Variants in TCF20 observed in about 807,000 individuals in gnomAD.
TCF20 encodes transcription factor 20.
Under a neutral mutation model 148.6 loss-of-function variants are expected in TCF20, and 3 were observed. The observed-to-expected ratio is 0.02, with a 90% confidence interval of 0.01 to 0.05. The LOEUF (loss-of-function observed/expected upper bound fraction) is 0.05. TCF20 is among the 10% of genes least tolerant of loss of function. The probability of loss-of-function intolerance (pLI) is 1.00; values close to 1 mark genes in which losing one functional copy is unlikely to be tolerated. For missense variants in TCF20, 2,350 were observed against 2,429.3 expected (o/e 0.97, Z 0.69); for synonymous variants, 1,049 against 909.5 (o/e 1.15, Z -2.76).
At position 42,270,615 on chromosome 22, in the gene TCF20, G is replaced by A. The variant is rs1475573887; in HGVS notation, c.-313C>T. ...AGGGGCCGAAAGCGGCTGGGCTCGG[G>A]GTTTTTTCTCTCCATTCTCCCAACA... On this transcript the variant is annotated 5_prime_UTR_variant, in exon 1 of 6. Transcript: ENST00000677622. Among the ~76,000 whole-genome samples, 2 of 145,270 alleles carry A rather than the reference G, an allele frequency of 1.4e-5. No homozygotes were observed. Among genetic ancestry groups the A allele is most frequent in the Non-Finnish European group, 3.1e-5 (2 of 65,430 alleles).
chr22:42,202,742 G>C (rs995958321), intron 2 of TCF20, among the ~76,000 whole-genome samples: 2 of 152,220 alleles, frequency 1.3e-5, no homozygotes, highest in Non-Finnish European at 1.5e-5. Flanking sequence ...GAAGCAAGCC[G>C]TATCTTTTGG....
At chr22:42,328,812 G>A (rs1386493735) in intron 1 of TCF20, among the ~76,000 whole-genome samples, 2 of 152,212 alleles carry the variant, frequency 1.3e-5, no homozygotes, top group African/African-American at 2.4e-5. Flanking sequence ...CAGACGGGGG[G>A]GAAAGCCCCC....
intron 1 of TCF20, among the ~76,000 whole-genome samples, chr22:42,250,894 T>C (rs1460083707): frequency 6.6e-6 from 1 of 152,120 alleles, no homozygotes; most frequent in Admixed American, 6.5e-5. Context: ...AACAGGCACA[T>C]CACATGATGA....
chr22:42,234,542 C>T (rs766020329), intron 1 of TCF20, among the ~76,000 whole-genome samples: 2 of 152,200 alleles, frequency 1.3e-5, no homozygotes, highest in African/African-American at 2.4e-5. Context: ...TACACTTCCA[C>T]GGTTGCCTCA....
intron 1 of TCF20, among the ~76,000 whole-genome samples, chr22:42,323,941 GTGATGGAGGTTA>G (rs1569209738): frequency 1.8e-4 from 23 of 124,436 alleles, no homozygotes; most frequent in African/African-American, 6.5e-4. Flanking sequence ...GGTGGTGGTG[GTGATGGAGGTTA>G]TGGTGGTGGT....
intron 5 of TCF20, 116 bp downstream of exon 5, chr22:42,168,493 T>C (rs1486407722): frequency 7.8e-6 from 11 of 1,404,116 alleles, no homozygotes; most frequent in Admixed American, 6.9e-5. Context: ...CCACCTGGCG[T>C]TGTCATCCAC....
At chr22:42,162,229 G>C (rs771429412) in intron 5 of TCF20, among the ~76,000 whole-genome samples, 5 of 151,860 alleles carry the variant, frequency 3.3e-5, no homozygotes, top group African/African-American at 1.2e-4. Context: ...TGCCCACCTC[G>C]GCCTCCCAAA....
In TCF20 at chr22:42,214,418, A is replaced by T; in HGVS notation, c.888T>A (p.Ser296=). 6.2e-7 allele frequency: 1 copy of T among 1,614,096 alleles called. No individual in the cohort carries two copies. Among genetic ancestry groups the T allele is most frequent in the Non-Finnish European group, 8.5e-7 (1 of 1,180,020 alleles). Residue 296 remains serine (S), a synonymous_variant, in exon 2 of 6, where the codon TCT becomes TCA. Coordinates refer to ENST00000677622, the MANE Select transcript of TCF20 (RefSeq NM_001378418.1). ...TCTTTGCCTGTTCAAAATTCTTCAT[A>T]GATTGAGGCTGATAGCTGTAATTGG... is the stretch of plus-strand genomic sequence containing the variant. ...TQSNYSYQPQ[S]MKNFEQAKIP... is the part of the protein sequence containing the mutation.
At chr22:42,312,845 C>G (rs1927560396) in intron 1 of TCF20, among the ~76,000 whole-genome samples, 1 of 152,148 alleles carries the variant, frequency 6.6e-6, no homozygotes, top group Admixed American at 6.5e-5. Context: ...AGCATGGGGC[C>G]CCAATCTAGT....
At position 42,161,269 on chromosome 22, in the gene TCF20, G is replaced by A. The variant is rs1935438233; in HGVS notation, c.*134C>T. Reference sequence around the variant, plus strand: ...GCATGGGCAGGCACGCGGGCGGGGCGGGGCGGGGCAGGGCAGGGTGTGGCT... The same window carrying A: ...GCATGGGCAGGCACGCGGGCGGGGCAGGGCGGGGCAGGGCAGGGTGTGGCT... On this transcript the variant is annotated 3_prime_UTR_variant, in exon 6 of 6. Transcript: ENST00000677622. 20 of 1,598,808 alleles carry A rather than the reference G, an allele frequency of 1.3e-5. No individual in the cohort carries two copies. Among genetic ancestry groups the A allele is most frequent in the East Asian group, 2.2e-5 (1 of 44,776 alleles).
chr22:42,213,266 A>T lies in TCF20; in HGVS notation c.2040T>A (p.Asn680Lys). Residue 680 changes from asparagine to lysine, a missense_variant, in exon 2 of 6, where the codon AAT (asparagine) becomes AAA (lysine). Transcript: ENST00000677622. The stretch of plus-strand genomic sequence containing the variant: ...CCGCTGCAGAGTGGCCACTCTGGCC[A>T]TTTCCTTCTCCATTATGGTTGGAGT... ...DNNSNHNGEG[N>K]GQSGHSAAGP... 1 of 1,614,024 alleles carries T rather than the reference A, an allele frequency of 6.2e-7. No homozygotes were observed. The highest frequency in any genetic ancestry group is 8.5e-7 in the Non-Finnish European group (1 of 1,180,006).
chr22:42,239,308 C>T (rs1409943162), intron 1 of TCF20, among the ~76,000 whole-genome samples: 1 of 151,500 alleles, frequency 6.6e-6, no homozygotes, highest in African/African-American at 2.4e-5. Flanking sequence ...GAAACCCCGT[C>T]TCTACTAAAA....
intron 1 of TCF20, among the ~76,000 whole-genome samples, chr22:42,283,100 C>A (rs533115875): frequency 7.9e-5 from 12 of 152,352 alleles, no homozygotes; most frequent in African/African-American, 2.6e-4. Context: ...CACGCTAACA[C>A]AAAATGACGG....
At chr22:42,339,390 A>G (rs1928124214) in intron 1 of TCF20, among the ~76,000 whole-genome samples, 1 of 152,118 alleles carries the variant, frequency 6.6e-6, no homozygotes, top group African/African-American at 2.4e-5. Flanking sequence ...TTTTCTTCAA[A>G]CATTCTGCAG....
At chr22:42,244,045 A>G (rs896111904) in intron 1 of TCF20, among the ~76,000 whole-genome samples, 1 of 152,186 alleles carries the variant, frequency 6.6e-6, no homozygotes, top group Admixed American at 6.5e-5. Context: ...TGTCTATAAA[A>G]ATACAAAAAT....
At chr22:42,324,013 ATGGTGGTGGTG>A (rs1927807694) in intron 1 of TCF20, among the ~76,000 whole-genome samples, 1 of 1,316 alleles carries the variant, frequency 7.6e-4, no homozygotes, top group Non-Finnish European at 2.6e-3. Flanking sequence ...GGCGGAGGTT[ATGGTGGTGGTG>A]GTGGTGATGG....
At chr22:42,191,519 C>T (rs1270466106) in intron 2 of TCF20, among the ~76,000 whole-genome samples, 1 of 152,184 alleles carries the variant, frequency 6.6e-6, no homozygotes, top group African/African-American at 2.4e-5. Context: ...GAACTCCTGA[C>T]CTAAGGTGAT....
At chr22:42,318,883 G>A (rs1373262522) in intron 1 of TCF20, among the ~76,000 whole-genome samples, 2 of 152,192 alleles carry the variant, frequency 1.3e-5, no homozygotes, top group African/African-American at 4.8e-5. Context: ...TGACCCTGTG[G>A]CCAGCTGAGG....
At chr22:42,306,400 G>A (rs1927434697) in intron 1 of TCF20, among the ~76,000 whole-genome samples, 1 of 152,204 alleles carries the variant, frequency 6.6e-6, no homozygotes, top group African/African-American at 2.4e-5. Context: ...ATGTGGGTGG[G>A]GGGTGCTGCT....
Sources: allele counts gnomAD v4.1 joint callset (sites outside exome capture counted in the v4.1 genomes callset), GRCh38; gene constraint gnomAD v4.1.1; transcripts MANE v1.5; gene names NCBI Gene and HGNC (gene_info 2026-07-23, HGNC 2026-07-21).